Variants in CFAP61 observed in about 807,000 individuals in gnomAD.
CFAP61 encodes the protein cilia- and flagella-associated protein 61.
In CFAP61, 107 loss-of-function variants were observed where a neutral mutation model predicts 135.6. That is an observed-to-expected ratio of 0.79 (90% CI 0.67 to 0.93). The LOEUF (loss-of-function observed/expected upper bound fraction) is 0.93, where lower values mean the gene tolerates loss of function less well. CFAP61 is among the 40% of genes least tolerant of loss of function. The probability of loss-of-function intolerance (pLI) is 0.00; values close to 1 mark genes in which losing one functional copy is unlikely to be tolerated. For synonymous variants in CFAP61, 575 were observed against 578.5 expected (o/e 0.99, Z 0.09); for missense variants, 1,507 against 1,556.2 (o/e 0.97, Z 0.53).
chr20:20,326,479 T>C (rs1392331644), intron 25 of CFAP61, among the ~76,000 whole-genome samples: 1 of 152,208 alleles, frequency 6.6e-6, no homozygotes. Context: ...TTGTTTTACA[T>C]TGACATCTTT....
intron 20 of CFAP61, among the ~76,000 whole-genome samples, chr20:20,255,515 T>A (rs545409061): frequency 6.6e-6 from 1 of 152,106 alleles, no homozygotes; most frequent in Non-Finnish European, 1.5e-5. Context: ...CAATGTTACA[T>A]TGTCTCCAAA....
At chr20:20,181,917 G>A (rs2055129468) in intron 13 of CFAP61, among the ~76,000 whole-genome samples, 1 of 152,182 alleles carries the variant, frequency 6.6e-6, no homozygotes, top group Non-Finnish European at 1.5e-5. Context: ...TGAAAGATGG[G>A]AGCCACCATA....
intron 13 of CFAP61, among the ~76,000 whole-genome samples, chr20:20,176,353 G>A (rs1177398892): frequency 1.3e-5 from 2 of 152,110 alleles, no homozygotes; most frequent in Non-Finnish European, 2.9e-5. Context: ...CCATTTCTGG[G>A]TATATACCCA....
intron 22 of CFAP61, among the ~76,000 whole-genome samples, chr20:20,285,906 G>A (rs1347237851): frequency 2.3e-5 from 3 of 132,798 alleles, no homozygotes; most frequent in Non-Finnish European, 4.7e-5. Context: ...GGGTGACAAA[G>A]TGAGACCCTG....
At chr20:20,255,726 T>C (rs941981457) in intron 20 of CFAP61, among the ~76,000 whole-genome samples, 2 of 152,134 alleles carry the variant, frequency 1.3e-5, no homozygotes, top group Admixed American at 6.5e-5. Context: ...CTGAGAATGA[T>C]TACAGGGGAA....
At chr20:20,199,970 A>C (rs2056526391) in intron 17 of CFAP61, 68 bp downstream of exon 17, 1 of 1,558,244 alleles carries the variant, frequency 6.4e-7, no homozygotes, top group African/African-American at 1.4e-5. Context: ...ATGGGGTGGC[A>C]GTGCTGTCTT....
At chr20:20,053,616 T>C (rs2043955862) in intron 1 of CFAP61, among the ~76,000 whole-genome samples, 1 of 152,214 alleles carries the variant, frequency 6.6e-6, no homozygotes, top group Non-Finnish European at 1.5e-5. Context: ...CGTCTACCAA[T>C]GCAGATATTA....
chr20:20,189,424 T>C (rs2055751812), intron 14 of CFAP61, among the ~76,000 whole-genome samples: 1 of 148,614 alleles, frequency 6.7e-6, no homozygotes, highest in South Asian at 2.1e-4. Flanking sequence ...AAAACTGTTT[T>C]ATTCCTTTTC....
At chr20:20,214,549 T>C (rs1032515997) in intron 17 of CFAP61, among the ~76,000 whole-genome samples, 1 of 152,086 alleles carries the variant, frequency 6.6e-6, no homozygotes, top group African/African-American at 2.4e-5. Context: ...TTCTGTTGAG[T>C]CCTAAATTCA....
At chr20:20,350,011 G>T (rs994282464) in intron 26 of CFAP61, among the ~76,000 whole-genome samples, 6 of 152,192 alleles carry the variant, frequency 3.9e-5, no homozygotes, top group African/African-American at 7.2e-5. Context: ...AGACAGTGTG[G>T]TACTTGCATG....
chr20:20,181,130 C>A (rs1408418302), intron 13 of CFAP61, among the ~76,000 whole-genome samples: 1 of 151,296 alleles, frequency 6.6e-6, no homozygotes, highest in East Asian at 1.9e-4. Flanking sequence ...ATATAACCAA[C>A]CTTCACGCGT....
chr20:20,277,246 C>T lies in CFAP61; in HGVS notation c.2584C>T (p.Arg862Cys), dbSNP rs761516909. 1.1e-5 allele frequency: 17 copies of T among 1,613,728 alleles called. No homozygotes were observed. The highest frequency in any genetic ancestry group is 5.0e-5 in the Admixed American group (3 of 60,008). The part of the protein sequence containing the change: ...TLLNLGVSGS[R>C]IHLVQPPPAS... ...CTTAAACCTTGGCGTGAGCGGCAGCCGCATCCACCTCGTGCAGCCCCCGCC... is the reference window on the plus strand; with the variant it reads ...CTTAAACCTTGGCGTGAGCGGCAGCTGCATCCACCTCGTGCAGCCCCCGCC... Residue 862 changes from arginine to cysteine, a missense_variant, in exon 22 of 27, where the codon CGC (arginine) becomes TGC (cysteine). Transcript: ENST00000245957.
intron 8 of CFAP61, among the ~76,000 whole-genome samples, chr20:20,100,481 C>G (rs546138275): frequency 1.3e-5 from 2 of 152,166 alleles, no homozygotes; most frequent in South Asian, 2.1e-4. Flanking sequence ...CCCTAAATAG[C>G]CTTTTTATGG....
chr20:20,228,438 C>G, intron 18 of CFAP61, 62 bp downstream of exon 18: 1 of 1,396,624 alleles, frequency 7.2e-7, no homozygotes, highest in South Asian at 1.2e-5. Context: ...CTTCCTACAT[C>G]TGAAGAGAAC....
chr20:20,205,418 A>G (rs541397879), intron 17 of CFAP61, among the ~76,000 whole-genome samples: 1 of 152,356 alleles, frequency 6.6e-6, no homozygotes, highest in African/African-American at 2.4e-5. Context: ...TTGGTTGCCA[A>G]AACTCCTGTC....
chr20:20,302,641 G>A (rs915671284), intron 25 of CFAP61, among the ~76,000 whole-genome samples: 1 of 152,134 alleles, frequency 6.6e-6, no homozygotes, highest in African/African-American at 2.4e-5. Context: ...CAGCCTGGGC[G>A]ACAGAGTGAG....
chr20:20,157,381 A>G (rs892604558), intron 9 of CFAP61, among the ~76,000 whole-genome samples: 1 of 152,192 alleles, frequency 6.6e-6, no homozygotes, highest in Non-Finnish European at 1.5e-5. Context: ...CCTAATTATT[A>G]TAAGATTATT....
rs869290856 is a variant in CFAP61, at chr20:20,121,103, C to CTT, written c.860-21734_860-21733dup. 3.4e-3 allele frequency among the ~76,000 whole-genome samples: 387 copies of CTT among 113,554 alleles called. 11 individuals are homozygous for CTT. Among genetic ancestry groups the CTT allele is most frequent in the East Asian group, 0.02 (67 of 3,394 alleles). 74.5% of individuals were successfully genotyped at this position (113,554 alleles called of 152,430 possible). On this transcript the variant is annotated intron_variant, in intron 8 of 26. Transcript: ENST00000245957. ...ATTTGCTCTATGTCTTTTATTTTTA[C>CTT]TTTTTTTTTTTTTTTTTTTTTGAGA...
At chr20:20,316,901 G>A (rs2057170413) in intron 25 of CFAP61, 1 of 132,102 alleles carries the variant, frequency 7.6e-6, no homozygotes, top group South Asian at 3.2e-4. Flanking sequence ...AAGGCAGACA[G>A]AGTCTCACTC....
Sources: gnomAD v4.1 joint callset for allele counts (sites outside exome capture counted in the v4.1 genomes callset) on GRCh38, gnomAD v4.1.1 for gene constraint, MANE v1.5 for transcripts, NCBI Gene and HGNC (gene_info 2026-07-23, HGNC 2026-07-21) for gene names.